GLUD1: variants seen among roughly 807,000 people sequenced by gnomAD.
GLUD1 encodes the protein glutamate dehydrogenase 1, also known as glutamate dehydrogenase 1, mitochondrial.
GLUD1 carries 22 observed loss-of-function variants against 56.0 expected under a neutral mutation model. The observed-to-expected ratio is 0.39, with a 90% confidence interval of 0.28 to 0.56. GLUD1 has a LOEUF of 0.56. Among genes scored for constraint, GLUD1 ranks in the 20% least tolerant of loss-of-function variants. The pLI, the probability that GLUD1 is intolerant of heterozygous loss-of-function variation, is 0.58. For synonymous variants in GLUD1, 223 were observed against 269.9 expected (o/e 0.83, Z 1.70); for missense variants, 451 against 732.0 (o/e 0.62, Z 4.43).
intron 11 of GLUD1, among the ~76,000 whole-genome samples, chr10:87,056,115 C>CAAAAAAAA (rs201114912): frequency 3.2e-5 from 2 of 62,754 alleles, no homozygotes; most frequent in African/African-American, 7.2e-5. Flanking sequence ...GACTCTGTCT[C>CAAAAAAAA]AAAAAAAAAA....
intron 1 of GLUD1, among the ~76,000 whole-genome samples, chr10:87,078,181 G>C (rs7085236): frequency 0.11 from 16,009 of 152,178 alleles, 1,775 homozygotes; most frequent in African/African-American, 0.27. Flanking sequence ...TATGTGCTTA[G>C]AACTATATCT....
chr10:87,094,560 C>T lies in GLUD1; in HGVS notation c.210G>A (p.Val70=). 6.2e-7 allele frequency: 1 copy of T among 1,612,182 alleles called. No individual in the cohort carries two copies. The highest frequency in any genetic ancestry group is 8.5e-7 in the Non-Finnish European group (1 of 1,179,916). Reference sequence around the variant, plus strand: ...TGGCGCCGCGATCGAAGAAGCCCTCCACCATCTTGAAGAAGTTGGGGTCGT... The same window carrying T: ...TGGCGCCGCGATCGAAGAAGCCCTCTACCATCTTGAAGAAGTTGGGGTCGT... ...REDDPNFFKM[V]EGFFDRGASI... The change falls in exon 1 of 13, where the codon GTG becomes GTA. Residue 70 remains valine, a synonymous_variant. Coordinates refer to ENST00000277865, the MANE Select transcript of GLUD1 (RefSeq NM_005271.5). The surrounding 1 kb of genome is among the most constrained non-coding windows in gnomAD (Gnocchi z 6.6).
At chr10:87,057,821 G>GAAAAA in intron 10 of GLUD1, 39 bp from the exon 11 acceptor site, 2 of 722,488 alleles carry the variant, frequency 2.8e-6, no homozygotes, top group Non-Finnish European at 2.4e-6. Context: ...ATTGCTAACA[G>GAAAAA]AAAAAAAAAA....
intron 11 of GLUD1, among the ~76,000 whole-genome samples, chr10:87,056,886 C>T (rs1381936412): frequency 6.6e-6 from 1 of 151,806 alleles, no homozygotes; most frequent in African/African-American, 2.4e-5. Context: ...TAAATTTTTC[C>T]CCCAGGCTTA....
rs114724491 is a variant in GLUD1, at chr10:87,058,334, T to G, written c.1403-552A>C. ...CTTGGCTCTATTAAAAAGAAAACGC[T>G]GGGGGAAAAAGAAAAGGAAATAGAT... On this transcript the variant is annotated intron_variant, in intron 10 of 12. Transcript: ENST00000277865. 5.7e-3 allele frequency among the ~76,000 whole-genome samples: 873 copies of G among 152,062 alleles called. 7 individuals carry two copies. The highest frequency in any genetic ancestry group is 0.019 in the African/African-American group (774 of 41,494).
rs780204178 is a variant in GLUD1, at chr10:87,090,033, TTC to T, written c.445+4290_445+4291del. Among the ~76,000 whole-genome samples the T allele has an allele frequency of 3.3e-5, 5 of 152,346 alleles. No homozygotes were observed. In the East Asian group the frequency reaches 9.6e-4, roughly 29 times the overall value. ...TGCTCTAAAGTGATACTAGAGATTT[TTC>T]TCTTTATTACTTACATTGTAAAAGC... On this transcript the variant is annotated intron_variant, in intron 1 of 12. Coordinates refer to ENST00000277865, the MANE Select transcript of GLUD1 (RefSeq NM_005271.5).
intron 12 of GLUD1, 140 bp downstream of exon 12, chr10:87,053,202 T>C: frequency 2.9e-6 from 2 of 697,108 alleles, no homozygotes; most frequent in South Asian, 3.1e-5. Context: ...TGAAAAAACA[T>C]GTGTTTTGCT....
intron 5 of GLUD1, among the ~76,000 whole-genome samples, chr10:87,066,264 T>A (rs1359207290): frequency 1.3e-5 from 2 of 152,120 alleles, no homozygotes; most frequent in East Asian, 1.9e-4. Flanking sequence ...CCTCTTCATA[T>A]CCCCTTGCAG....
intron 11 of GLUD1, among the ~76,000 whole-genome samples, chr10:87,054,574 G>A (rs1326300045): frequency 6.6e-6 from 1 of 152,158 alleles, no homozygotes; most frequent in Non-Finnish European, 1.5e-5. Context: ...GGCAATGCTG[G>A]TGTCACTGGC....
rs1219140309 is a variant in GLUD1 at position 87,079,897 on chromosome 10, TCCCTCC to T, written c.446-3247_446-3242del. 1.9e-3 allele frequency among the ~76,000 whole-genome samples: 225 copies of T among 116,300 alleles called. 1 individual carries two copies. Among genetic ancestry groups the T allele is most frequent in the African/African-American group, 4.1e-3 (111 of 26,902 alleles). The allele number at this position is 116,300 out of a possible 152,430, so 76.3% of individuals were successfully genotyped here. A position where few individuals can be genotyped will look rare whatever the true frequency, so the allele number is the denominator to read the frequency against. On this transcript the variant is annotated intron_variant, in intron 1 of 12. Transcript: ENST00000277865. Reference sequence around the variant, plus strand: ...TAATTAAGAACTAGTGCTCTCCCTCTCCCTCCCCCTCCCCCTCCCCCTCTCCCTCCC... The same window carrying T: ...TAATTAAGAACTAGTGCTCTCCCTCTCCCTCCCCCTCCCCCTCTCCCTCCC...
chr10:87,064,337 C>T (rs1293626697), intron 5 of GLUD1, among the ~76,000 whole-genome samples: 6 of 152,080 alleles, frequency 3.9e-5, no homozygotes, highest in Non-Finnish European at 8.8e-5. Flanking sequence ...ACTATAAGCA[C>T]GGCCACGAGA....
At chr10:87,090,662 GAC>G (rs1249765741) in intron 1 of GLUD1, among the ~76,000 whole-genome samples, 1 of 152,164 alleles carries the variant, frequency 6.6e-6, no homozygotes, top group Non-Finnish European at 1.5e-5. Context: ...GCTTTTAAAA[GAC>G]ACACAAATTA....
Position 87,094,414 on chromosome 10 carries a change from G to A in GLUD1, c.356C>T (p.Ser119Phe). The A allele has an allele frequency of 6.2e-7, 1 of 1,613,644 alleles. No individual in the cohort carries two copies. Among genetic ancestry groups the A allele is most frequent in the Non-Finnish European group, 8.5e-7 (1 of 1,179,908 alleles). ...GCCGTCGTCGCGCCGGATGGGGAAGGAGAGACTCAGCACATGGTTGCAGGG... is the reference window on the plus strand; with the variant it reads ...GCCGTCGTCGCGCCGGATGGGGAAGAAGAGACTCAGCACATGGTTGCAGGG... The part of the protein sequence containing the change: ...IKPCNHVLSL[S>F]FPIRRDDGSW... The change falls in exon 1 of 13, where the codon TCC becomes TTC. Residue 119 changes from serine (S) to phenylalanine (F), a missense_variant. Physicochemically the swap from Ser to Phe is radical, Grantham distance 155. Around this residue, in one of 4 missense-constraint regions of GLUD1, gnomAD observed 158 missense variants for 189.7 expected, o/e 0.83. Coordinates refer to ENST00000277865, the MANE Select transcript of GLUD1 (RefSeq NM_005271.5). This position sits in a 1 kb window ranked among gnomAD's most constrained non-coding sequence, Gnocchi z 6.6.
At chr10:87,073,092 C>T (rs1336084010) in intron 4 of GLUD1, among the ~76,000 whole-genome samples, 1 of 152,180 alleles carries the variant, frequency 6.6e-6, no homozygotes, top group East Asian at 1.9e-4. Flanking sequence ...TAGGTTATTT[C>T]ATGACATTTA....
At chr10:87,079,348 G>C (rs1841142081) in intron 1 of GLUD1, among the ~76,000 whole-genome samples, 1 of 151,386 alleles carries the variant, frequency 6.6e-6, no homozygotes, top group Non-Finnish European at 1.5e-5. Context: ...TGGGGCAGGA[G>C]AGTCACTTGA....
At chr10:87,078,752 G>A (rs1378732807) in intron 1 of GLUD1, among the ~76,000 whole-genome samples, 2 of 152,168 alleles carry the variant, frequency 1.3e-5, no homozygotes, top group Non-Finnish European at 2.9e-5. Flanking sequence ...GGGGTGACGG[G>A]GAGATGATGG....
Position 87,087,537 on chromosome 10 carries a change from C to G in GLUD1, c.445+6788G>C, listed in dbSNP as rs555787916. On this transcript the variant is annotated intron_variant, in intron 1 of 12. Coordinates refer to ENST00000277865, the MANE Select transcript of GLUD1 (RefSeq NM_005271.5). Reference sequence around the variant, plus strand: ...CTACCCAGAAGCCCATTAAGAGTGTCCTAGTTAGAACAAAAGATGCTCCTA... The same window carrying G: ...CTACCCAGAAGCCCATTAAGAGTGTGCTAGTTAGAACAAAAGATGCTCCTA... Among the ~76,000 whole-genome samples, 4 of 152,294 alleles carry G rather than the reference C, an allele frequency of 2.6e-5. No individual in the cohort carries two copies. The South Asian group carries it at 8.3e-4, about 32-fold the overall frequency.
chr10:87,079,717 C>G (rs1841154396), intron 1 of GLUD1, among the ~76,000 whole-genome samples: 2 of 152,192 alleles, frequency 1.3e-5, no homozygotes. Context: ...AGGCAAATCT[C>G]AACTATTACC....
chr10:87,063,173 A>G (rs1182665826), intron 5 of GLUD1, among the ~76,000 whole-genome samples: 1 of 151,944 alleles, frequency 6.6e-6, no homozygotes, highest in East Asian at 1.9e-4. Context: ...TCCCAGGTTC[A>G]AGCGATTCTC....
Sources: gnomAD v4.1 joint callset for allele counts (sites outside exome capture counted in the v4.1 genomes callset) on GRCh38, gnomAD v4.1.1 for gene constraint, gnomAD v4.1.1 regional missense constraint, Gnocchi (gnomAD v3.1) non-coding constraint, MANE v1.5 for transcripts, NCBI Gene and HGNC (gene_info 2026-07-23, HGNC 2026-07-21) for gene names.